Variants in HIVEP3 observed in about 807,000 individuals in gnomAD.
The protein encoded by HIVEP3 is transcription factor HIVEP3.
HIVEP3 carries 49 observed loss-of-function variants against 152.8 expected under a neutral mutation model. That is an observed-to-expected ratio of 0.32 (90% CI 0.26 to 0.41). The LOEUF is 0.41. Ranked by LOEUF, HIVEP3 falls within the 10% of genes least tolerant of loss-of-function variation. The pLI is 1.00. For missense variants in HIVEP3, 2,790 were observed against 3,103.3 expected (o/e 0.90, Z 2.40); for synonymous variants, 1,269 against 1,289.0 (o/e 0.98, Z 0.33).
At chr1:41,858,448 A>G (rs2365563) in intron 1 of HIVEP3, among the ~76,000 whole-genome samples, 31,055 of 152,138 alleles carry the variant, frequency 0.2, 3,388 homozygotes, top group African/African-American at 0.28. Flanking sequence ...CTACTTCTCA[A>G]TCATAATTTC....
At chr1:41,670,219 A>C (rs1645854029) in intron 2 of HIVEP3, among the ~76,000 whole-genome samples, 1 of 152,118 alleles carries the variant, frequency 6.6e-6, no homozygotes, top group African/African-American at 2.4e-5. Flanking sequence ...CCATGTCCTC[A>C]TGGGTGTGAT....
intron 3 of HIVEP3, among the ~76,000 whole-genome samples, chr1:41,603,005 A>G (rs1486144101): frequency 6.6e-6 from 1 of 151,566 alleles, no homozygotes; most frequent in East Asian, 1.9e-4. Context: ...TTTAATTTCC[A>G]CATATTTTTG....
chr1:41,663,179 G>A (rs1018936793), intron 2 of HIVEP3, among the ~76,000 whole-genome samples: 1 of 152,236 alleles, frequency 6.6e-6, no homozygotes, highest in Non-Finnish European at 1.5e-5. Flanking sequence ...ATCTCTCTCC[G>A]TGATCTGTTA....
At chr1:42,007,410 A>G (rs533875706) in intron 1 of HIVEP3, among the ~76,000 whole-genome samples, 1 of 152,342 alleles carries the variant, frequency 6.6e-6, no homozygotes, top group Admixed American at 6.5e-5. Flanking sequence ...AAGAAACAAC[A>G]ATTGAATGGG....
intron 1 of HIVEP3, among the ~76,000 whole-genome samples, chr1:42,000,869 C>T (rs1239246260): frequency 6.6e-6 from 1 of 152,190 alleles, no homozygotes; most frequent in Non-Finnish European, 1.5e-5. Flanking sequence ...TTGTGTCTTA[C>T]ATTAGCATAT....
rs902749161 is a variant in HIVEP3, at chr1:41,664,884, G to A, written c.-720-35937C>T. 2.0e-5 allele frequency among the ~76,000 whole-genome samples: 3 copies of A among 152,216 alleles called. No homozygotes were observed. Among genetic ancestry groups the A allele is most frequent in the Non-Finnish European group, 4.4e-5 (3 of 68,044 alleles). ...CCATGCCAACCCCCCAAAACACGGA[G>A]TCCTGAGCTGGCCCTAATGAGGTGG... On this transcript the variant is annotated intron_variant, in intron 2 of 8. Coordinates refer to ENST00000372583, the MANE Select transcript of HIVEP3 (RefSeq NM_024503.5). This position sits in a 1 kb window ranked among gnomAD's most constrained non-coding sequence, Gnocchi z 4.4.
At chr1:41,997,528 G>C (rs1417849285) in intron 1 of HIVEP3, among the ~76,000 whole-genome samples, 1 of 152,200 alleles carries the variant, frequency 6.6e-6, no homozygotes, top group Non-Finnish European at 1.5e-5. Flanking sequence ...TTGAAGCCAA[G>C]AAAATCTTAC....
intron 1 of HIVEP3, among the ~76,000 whole-genome samples, chr1:41,994,085 G>T (rs1645380761): frequency 6.6e-6 from 1 of 151,254 alleles, no homozygotes; most frequent in African/African-American, 2.4e-5. Context: ...CACCAGCATG[G>T]CACATGTATA....
chr1:41,790,292 C>T (rs1649614485), intron 1 of HIVEP3, among the ~76,000 whole-genome samples: 1 of 152,182 alleles, frequency 6.6e-6, no homozygotes. Context: ...TGCTCCCTCT[C>T]ACACCATGGG....
intron 2 of HIVEP3, among the ~76,000 whole-genome samples, chr1:41,635,564 A>G (rs1645258429): frequency 2.4e-5 from 1 of 40,860 alleles, no homozygotes; most frequent in South Asian, 5.6e-4. Context: ...ACATACATAT[A>G]CATACGTATG....
chr1:41,560,330 G>C (rs1644040145), intron 5 of HIVEP3, among the ~76,000 whole-genome samples: 2 of 152,200 alleles, frequency 1.3e-5, no homozygotes, highest in African/African-American at 2.4e-5. Context: ...TTGTCACCTA[G>C]TGCTAAACTG....
chr1:42,013,169 T>G (rs1167979388), intron 1 of HIVEP3, among the ~76,000 whole-genome samples: 3 of 152,188 alleles, frequency 2.0e-5, no homozygotes, highest in Non-Finnish European at 4.4e-5. Flanking sequence ...CCTATGTCTC[T>G]TCATACTATC....
chr1:41,625,526 C>T (rs1645104849), intron 3 of HIVEP3, among the ~76,000 whole-genome samples: 1 of 152,066 alleles, frequency 6.6e-6, no homozygotes, highest in Non-Finnish European at 1.5e-5. Flanking sequence ...ACAGAGGTGT[C>T]GCTAATAACA....
chr1:41,714,791 C>G (rs184550004), intron 1 of HIVEP3, among the ~76,000 whole-genome samples: 1 of 152,184 alleles, frequency 6.6e-6, no homozygotes, highest in Non-Finnish European at 1.5e-5. Context: ...TGTTCAGTTG[C>G]TATGGTAACA....
At chr1:41,863,033 C>T (rs1158726933) in intron 1 of HIVEP3, among the ~76,000 whole-genome samples, 1 of 152,222 alleles carries the variant, frequency 6.6e-6, no homozygotes, top group Non-Finnish European at 1.5e-5. Flanking sequence ...CTCAAATGCA[C>T]ACCTCCTCCA....
chr1:41,894,364 A>C (rs1262063654), intron 1 of HIVEP3, among the ~76,000 whole-genome samples: 1 of 151,942 alleles, frequency 6.6e-6, no homozygotes, highest in Non-Finnish European at 1.5e-5. Flanking sequence ...CACAACCTAC[A>C]CTCTTCCATT....
chr1:41,528,966 C>A (rs1243525991), intron 5 of HIVEP3, among the ~76,000 whole-genome samples: 4 of 145,618 alleles, frequency 2.7e-5, no homozygotes, highest in African/African-American at 5.1e-5. Context: ...TTCCACACCC[C>A]CACCCTCACA....
At chr1:41,709,083 C>G (rs893005809) in intron 1 of HIVEP3, among the ~76,000 whole-genome samples, 1 of 152,246 alleles carries the variant, frequency 6.6e-6, no homozygotes, top group Non-Finnish European at 1.5e-5. Flanking sequence ...CCTACCACCA[C>G]ATGGCATATG....
chr1:41,758,120 T>C (rs78429476), intron 1 of HIVEP3, among the ~76,000 whole-genome samples: 137 of 142,000 alleles, frequency 9.6e-4, no homozygotes, highest in African/African-American at 3.4e-3. Context: ...TCTGGCCTGA[T>C]TGGGCAAAGG....
Sources: gnomAD v4.1 joint callset for allele counts (sites outside exome capture counted in the v4.1 genomes callset) on GRCh38, gnomAD v4.1.1 for gene constraint, Gnocchi (gnomAD v3.1) non-coding constraint, MANE v1.5 for transcripts, NCBI Gene and HGNC (gene_info 2026-07-23, HGNC 2026-07-21) for gene names.